SLC44A1: variants seen among roughly 807,000 people sequenced by gnomAD.
SLC44A1 encodes choline transporter-like protein 1.
Under a neutral mutation model 79.3 loss-of-function variants are expected in SLC44A1, and 26 were observed. That is an observed-to-expected ratio of 0.33 (90% CI 0.24 to 0.46). The LOEUF is 0.46. Ranked by LOEUF, SLC44A1 falls within the 20% of genes least tolerant of loss-of-function variation. The probability of loss-of-function intolerance (pLI) is 1.00; values close to 1 mark genes in which losing one functional copy is unlikely to be tolerated. For synonymous variants in SLC44A1, 263 were observed against 286.2 expected (o/e 0.92, Z 0.82); for missense variants, 688 against 798.1 (o/e 0.86, Z 1.66).
chr9:105,390,245 C>A lies in SLC44A1; in HGVS notation c.*1189C>A. The A allele has an allele frequency of 9.3e-7, 1 of 1,078,308 alleles. No homozygotes were observed. The allele number at this position is 1,078,308 out of a possible 1,614,324, so 66.8% of individuals were successfully genotyped here. The stretch of plus-strand genomic sequence containing the variant: ...TATGAATGGCTAATACTCCATTGTT[C>A]TGCTTGTTGTAATGGTGAATGCTTT... On this transcript the variant is annotated 3_prime_UTR_variant, in exon 16 of 16. Coordinates refer to ENST00000374720, the MANE Select transcript of SLC44A1 (RefSeq NM_080546.5).
At chr9:105,347,188 G>T (rs1827268664) in intron 4 of SLC44A1, among the ~76,000 whole-genome samples, 1 of 151,928 alleles carries the variant, frequency 6.6e-6, no homozygotes, top group Non-Finnish European at 1.5e-5. Flanking sequence ...AATTAACTCA[G>T]TGTTGCAGTC....
chr9:105,353,405 C>A (rs1330630599), intron 5 of SLC44A1, among the ~76,000 whole-genome samples: 1 of 151,348 alleles, frequency 6.6e-6, no homozygotes. Context: ...CTTTTAAAAT[C>A]ATCTATTATC....
rs1588862880 is a variant in SLC44A1 at position 105,391,228 on chromosome 9, T to C, written c.*2172T>C. 1.0e-6 allele frequency: 1 copy of C among 985,792 alleles called. No homozygotes were observed. Among genetic ancestry groups the C allele is most frequent in the Non-Finnish European group, 1.2e-6 (1 of 829,916 alleles). The allele number at this position is 985,792 out of a possible 1,614,324, so 61.1% of individuals were successfully genotyped here. A position where few individuals can be genotyped will look rare whatever the true frequency, so the allele number is the denominator to read the frequency against. ...TCCCTGCATCATGGACTGTTGCTGCTCCCTGTTCCATATGCTCGCAATCTC... is the reference window on the plus strand; with the variant it reads ...TCCCTGCATCATGGACTGTTGCTGCCCCCTGTTCCATATGCTCGCAATCTC... On this transcript the variant is annotated 3_prime_UTR_variant, in exon 16 of 16. Coordinates refer to ENST00000374720, the MANE Select transcript of SLC44A1 (RefSeq NM_080546.5).
At chr9:105,316,733 T>C (rs1831337609) in intron 3 of SLC44A1, among the ~76,000 whole-genome samples, 1 of 152,208 alleles carries the variant, frequency 6.6e-6, no homozygotes, top group Non-Finnish European at 1.5e-5. Flanking sequence ...TGACTCCACT[T>C]TCCTGAGTTC....
At chr9:105,312,843 A>G (rs1389826492) in intron 3 of SLC44A1, among the ~76,000 whole-genome samples, 2 of 152,080 alleles carry the variant, frequency 1.3e-5, no homozygotes, top group Admixed American at 6.6e-5. Context: ...TGGTCGTCTT[A>G]TCTCTAATCT....
chr9:105,245,363 T>G (rs1829411719), intron 1 of SLC44A1, among the ~76,000 whole-genome samples: 1 of 152,200 alleles, frequency 6.6e-6, no homozygotes, highest in East Asian at 1.9e-4. Flanking sequence ...CAGCAAGAGC[T>G]CTTCACCTCT....
chr9:105,309,142 T>C (rs773246891), intron 2 of SLC44A1, among the ~76,000 whole-genome samples: 1 of 152,164 alleles, frequency 6.6e-6, no homozygotes, highest in Non-Finnish European at 1.5e-5. Context: ...GAAACAGAAG[T>C]ATTGGGTGCA....
intron 5 of SLC44A1, among the ~76,000 whole-genome samples, chr9:105,351,205 G>C (rs1242497259): frequency 6.6e-6 from 1 of 152,124 alleles, no homozygotes; most frequent in African/African-American, 2.4e-5. Context: ...CTAGGTGCTG[G>C]GGAATTAATG....
At chr9:105,285,192 C>T (rs1430002928) in intron 1 of SLC44A1, among the ~76,000 whole-genome samples, 2 of 152,000 alleles carry the variant, frequency 1.3e-5, no homozygotes, top group African/African-American at 2.4e-5. Flanking sequence ...TTTTTAATAG[C>T]AAAGTAGCAC....
chr9:105,249,548 G>C (rs1829532031), intron 1 of SLC44A1, among the ~76,000 whole-genome samples: 1 of 148,472 alleles, frequency 6.7e-6, no homozygotes, highest in Non-Finnish European at 1.5e-5. Context: ...TTTTGAGCCA[G>C]AGTTTGGCTC....
At chr9:105,326,296 C>A (rs1826574379) in intron 3 of SLC44A1, among the ~76,000 whole-genome samples, 1 of 152,176 alleles carries the variant, frequency 6.6e-6, no homozygotes, top group South Asian at 2.1e-4. Flanking sequence ...GTCTCAAATT[C>A]CTGGCCTCAA....
At chr9:105,288,921 A>G (rs540505744) in intron 1 of SLC44A1, among the ~76,000 whole-genome samples, 270 of 152,362 alleles carry the variant, frequency 1.8e-3, no homozygotes, top group Non-Finnish European at 3.2e-3. Context: ...TAAAGGCTCA[A>G]AGAAATCCTT....
intron 4 of SLC44A1, among the ~76,000 whole-genome samples, chr9:105,343,870 A>G (rs1201555919): frequency 6.6e-5 from 10 of 152,188 alleles, no homozygotes; most frequent in African/African-American, 2.4e-4. Flanking sequence ...TTCACTCAGC[A>G]AATATTTATT....
chr9:105,244,774 C>A lies in SLC44A1; in HGVS notation c.-95C>A. On this transcript the variant is annotated 5_prime_UTR_variant, in exon 1 of 16. Coordinates refer to ENST00000374720, the MANE Select transcript of SLC44A1 (RefSeq NM_080546.5). ...GCCGCCTAGCCGTGCGGTGCCAGGCCGCGCCCTCCCCGGGCGCCCGCCGGC... is the reference window on the plus strand; with the variant it reads ...GCCGCCTAGCCGTGCGGTGCCAGGCAGCGCCCTCCCCGGGCGCCCGCCGGC... The A allele has an allele frequency of 1.5e-6, 1 of 689,264 alleles. No homozygotes were observed. Among genetic ancestry groups the A allele is most frequent in the Non-Finnish European group, 1.9e-6 (1 of 520,138 alleles). The allele number at this position is 689,264 out of a possible 1,614,324, so 42.7% of individuals were successfully genotyped here.
Position 105,396,876 on chromosome 9 carries a change from T to C in SLC44A1, c.*7820T>C. The C allele has an allele frequency of 2.0e-6, 2 of 985,354 alleles. No individual in the cohort carries two copies. Among genetic ancestry groups the C allele is most frequent in the Non-Finnish European group, 2.4e-6 (2 of 829,874 alleles). 61.0% of individuals were successfully genotyped at this position (985,354 alleles called of 1,614,324 possible). On this transcript the variant is annotated 3_prime_UTR_variant, in exon 16 of 16. Coordinates refer to ENST00000374720, the MANE Select transcript of SLC44A1 (RefSeq NM_080546.5). ...ATTTACCTTACCATTATTTTGGATT[T>C]TTTTCTTATTACAGTGTCACTACAC... is the stretch of plus-strand genomic sequence containing the variant.
intron 15 of SLC44A1, among the ~76,000 whole-genome samples, chr9:105,435,387 T>G (rs7467335): frequency 0.14 from 20,540 of 151,952 alleles, 3,734 homozygotes; most frequent in African/African-American, 0.42. Flanking sequence ...GCAAAGAGTG[T>G]TGGGAGTGGA....
intron 1 of SLC44A1, among the ~76,000 whole-genome samples, chr9:105,290,140 A>G (rs1404261243): frequency 5.9e-5 from 9 of 152,148 alleles, no homozygotes; most frequent in South Asian, 2.1e-4. Context: ...TATCTGTTCC[A>G]TCATGGAAAA....
chr9:105,383,015 A>C (rs139182720), intron 13 of SLC44A1, 108 bp from the exon 14 acceptor site: 3 of 746,250 alleles, frequency 4.0e-6, no homozygotes, highest in Non-Finnish European at 4.6e-6. Context: ...GAATGGCCTC[A>C]TGCAACCATC....
rs142044148 is a variant in SLC44A1 at position 105,330,573 on chromosome 9, T to G, written c.270-4990T>G. On this transcript the variant is annotated intron_variant, in intron 3 of 15. Transcript: ENST00000374720. Reference sequence around the variant, plus strand: ...GCAGCTTTAAAAGTCACTTCTTTTCTGACTCTTATCCTTTTTCCTGAGTTT... The same window carrying G: ...GCAGCTTTAAAAGTCACTTCTTTTCGGACTCTTATCCTTTTTCCTGAGTTT... Among the ~76,000 whole-genome samples, 154 of 152,340 alleles carry G rather than the reference T, an allele frequency of 1.0e-3. 1 individual carries two copies. The highest frequency in any genetic ancestry group is 3.5e-3 in the African/African-American group (145 of 41,582).
Sources: allele counts gnomAD v4.1 joint callset (sites outside exome capture counted in the v4.1 genomes callset), GRCh38; gene constraint gnomAD v4.1.1; transcripts MANE v1.5; gene names NCBI Gene and HGNC (gene_info 2026-07-23, HGNC 2026-07-21).